The following SNTB2 variants were observed in gnomAD, a reference collection of about 807,000 sequenced individuals.
SNTB2 encodes syntrophin beta 2.
A neutral mutation model predicts 46.2 loss-of-function variants in SNTB2; 34 were observed. The observed-to-expected ratio is 0.74, with a 90% confidence interval of 0.56 to 0.98. The LOEUF (loss-of-function observed/expected upper bound fraction) is 0.98, where lower values mean the gene tolerates loss of function less well. Ranked by LOEUF, SNTB2 falls within the 50% of genes least tolerant of loss-of-function variation. SNTB2 has a pLI of 0.00. For missense variants in SNTB2, 603 were observed against 731.4 expected (o/e 0.82, Z 2.02); for synonymous variants, 290 against 312.6 (o/e 0.93, Z 0.76).
rs182191160 is a variant in SNTB2 at position 69,193,680 on chromosome 16, A to G, written c.580+5934A>G. 2.1e-3 allele frequency among the ~76,000 whole-genome samples: 317 copies of G among 152,310 alleles called. 2 individuals carry two copies. The highest frequency in any genetic ancestry group is 3.5e-3 in the Admixed American group (54 of 15,288). ...GATCAACTAACAAAAATTTTAAAAA[A>G]GAAAGAAAATGCACATGCCTTATTC... On this transcript the variant is annotated intron_variant, in intron 1 of 6. Coordinates refer to ENST00000336278, the MANE Select transcript of SNTB2 (RefSeq NM_006750.4).
chr16:69,200,448 G>C (rs140802319), intron 1 of SNTB2, among the ~76,000 whole-genome samples: 48 of 152,114 alleles, frequency 3.2e-4, no homozygotes, highest in African/African-American at 1.0e-3. Context: ...GAATGCTTTT[G>C]GAATATGCTT....
At chr16:69,202,322 A>G (rs1964170728) in intron 1 of SNTB2, among the ~76,000 whole-genome samples, 1 of 150,796 alleles carries the variant, frequency 6.6e-6, no homozygotes, top group East Asian at 1.9e-4. Context: ...ACAAACATAC[A>G]TTCTTAGTTT....
Position 69,280,917 on chromosome 16 carries a change from C to T in SNTB2, c.1149-3131C>T, listed in dbSNP as rs146376361. Among the ~76,000 whole-genome samples, 101 of 152,080 alleles carry T rather than the reference C, an allele frequency of 6.6e-4. 1 individual carries two copies. The highest frequency in any genetic ancestry group is 2.4e-3 in the African/African-American group (99 of 41,482). On this transcript the variant is annotated intron_variant, in intron 4 of 6. Coordinates refer to ENST00000336278, the MANE Select transcript of SNTB2 (RefSeq NM_006750.4). Reference sequence around the variant, plus strand: ...GGTTCACGCCATTCTCCTCCCTCAGCTTCGCGAGTAGCTGGGACTACAGGG... The same window carrying T: ...GGTTCACGCCATTCTCCTCCCTCAGTTTCGCGAGTAGCTGGGACTACAGGG...
chr16:69,216,448 C>A (rs1964347808), intron 1 of SNTB2, among the ~76,000 whole-genome samples: 1 of 151,644 alleles, frequency 6.6e-6, no homozygotes, highest in African/African-American at 2.4e-5. Flanking sequence ...TTTGGGAGGC[C>A]ACGGTGGGAG....
chr16:69,259,810 G>A (rs907980565), intron 2 of SNTB2, among the ~76,000 whole-genome samples: 3 of 149,786 alleles, frequency 2.0e-5, no homozygotes, highest in South Asian at 2.1e-4. Context: ...GAGTTTCACC[G>A]TGTTGCCCAG....
rs72795266 is a variant in SNTB2, at chr16:69,303,540, G to A, written c.*2616G>A. The stretch of plus-strand genomic sequence containing the variant: ...GTTAAACTGACATGTATAGCACTGA[G>A]GTCTGTAGGGTTCTTAATATCTTTT... On this transcript the variant is annotated 3_prime_UTR_variant, in exon 7 of 7. Transcript: ENST00000336278. The A allele has an allele frequency of 0.056, 8,554 of 152,722 alleles. 271 individuals carry two copies. The highest frequency in any genetic ancestry group is 0.075 in the South Asian group (361 of 4,824). 9.5% of individuals were successfully genotyped at this position (152,722 alleles called of 1,614,324 possible).
chr16:69,292,355 TATATATATATATATATATATA>T (rs1965167766), intron 5 of SNTB2, among the ~76,000 whole-genome samples: 1 of 27,192 alleles, frequency 3.7e-5, no homozygotes, highest in Non-Finnish European at 6.1e-5. Flanking sequence ...CCTTATTTTT[TATATATATATATATATATATA>T]TATTATATAT....
Position 69,282,109 on chromosome 16 carries a change from G to T in SNTB2, c.1149-1939G>T, listed in dbSNP as rs1012435092. The stretch of plus-strand genomic sequence containing the variant: ...TAGTAGAGACGGGGTTTTACCATGT[G>T]GGCTAGGCTGGACTTAAACTCCTGA... On this transcript the variant is annotated intron_variant, in intron 4 of 6. Coordinates refer to ENST00000336278, the MANE Select transcript of SNTB2 (RefSeq NM_006750.4). Among the ~76,000 whole-genome samples the T allele has an allele frequency of 3.3e-5, 5 of 149,254 alleles. No homozygotes were observed. In the East Asian group the frequency reaches 1.1e-3, roughly 32 times the overall value.
At chr16:69,265,743 T>C (rs1567410441) in intron 3 of SNTB2, among the ~76,000 whole-genome samples, 2 of 150,900 alleles carry the variant, frequency 1.3e-5, no homozygotes, top group African/African-American at 2.4e-5. Flanking sequence ...AGGAGAATTG[T>C]TTGAACCTGG....
At chr16:69,278,155 C>T (rs1597197248) in intron 4 of SNTB2, among the ~76,000 whole-genome samples, 1 of 151,990 alleles carries the variant, frequency 6.6e-6, no homozygotes. Context: ...CATCTCTACA[C>T]AAAATATAAA....
chr16:69,298,936 C>T (rs945802019), intron 5 of SNTB2, among the ~76,000 whole-genome samples: 10 of 152,170 alleles, frequency 6.6e-5, no homozygotes, highest in Non-Finnish European at 1.2e-4. Context: ...TTCTGCCTTA[C>T]ACAATTGGGG....
At chr16:69,236,634 T>C (rs1416367113) in intron 1 of SNTB2, among the ~76,000 whole-genome samples, 1 of 151,826 alleles carries the variant, frequency 6.6e-6, no homozygotes, top group Non-Finnish European at 1.5e-5. Flanking sequence ...AAAAATATGG[T>C]TAAAATAGTA....
At chr16:69,245,986 T>C (rs1358359634) in intron 2 of SNTB2, among the ~76,000 whole-genome samples, 171 bp downstream of exon 2, 1 of 152,172 alleles carries the variant, frequency 6.6e-6, no homozygotes, top group Non-Finnish European at 1.5e-5. Context: ...TATACATGTA[T>C]ATGTGTAGAA....
chr16:69,291,120 A>G (rs1965155484), intron 5 of SNTB2, among the ~76,000 whole-genome samples: 1 of 152,208 alleles, frequency 6.6e-6, no homozygotes, highest in Non-Finnish European at 1.5e-5. Context: ...CCTGTTGCCT[A>G]TACCTGATGG....
chr16:69,251,039 C>T (rs1403260066), intron 2 of SNTB2, among the ~76,000 whole-genome samples: 5 of 141,504 alleles, frequency 3.5e-5, no homozygotes, highest in African/African-American at 7.8e-5. Flanking sequence ...AGTGCAGTGG[C>T]GGGATCTCGG....
intron 2 of SNTB2, among the ~76,000 whole-genome samples, chr16:69,255,869 C>T (rs1455336110): frequency 7.0e-6 from 1 of 143,776 alleles, no homozygotes; most frequent in African/African-American, 2.6e-5. Context: ...AAGAGGTAAA[C>T]TCTGTCTCAA....
intron 4 of SNTB2, among the ~76,000 whole-genome samples, chr16:69,273,331 G>T (rs1321753152): frequency 6.6e-6 from 1 of 152,156 alleles, no homozygotes; most frequent in African/African-American, 2.4e-5. Flanking sequence ...AACAACCTAA[G>T]TGTCCATCAA....
Position 69,258,682 on chromosome 16 carries a change from G to A in SNTB2, c.795-1368G>A, listed in dbSNP as rs577986842. ...GCTGGAGTGCAGTGGTGCAATCTTG[G>A]CTCACTGCAACCTCCAGCTCCTGGG... On this transcript the variant is annotated intron_variant, in intron 2 of 6. Coordinates refer to ENST00000336278, the MANE Select transcript of SNTB2 (RefSeq NM_006750.4). 9.5e-5 allele frequency among the ~76,000 whole-genome samples: 14 copies of A among 146,748 alleles called. No individual in the cohort carries two copies. In the South Asian group the frequency reaches 3.0e-3, roughly 31 times the overall value.
At chr16:69,292,627 A>G (rs575529524) in intron 5 of SNTB2, among the ~76,000 whole-genome samples, 1 of 111,214 alleles carries the variant, frequency 9.0e-6, no homozygotes, top group African/African-American at 3.4e-5. Context: ...TTTTTTTTGC[A>G]TTTTTAGTAG....
Sources: gnomAD v4.1 joint callset for allele counts (sites outside exome capture counted in the v4.1 genomes callset) on GRCh38, gnomAD v4.1.1 for gene constraint, MANE v1.5 for transcripts, NCBI Gene and HGNC (gene_info 2026-07-23, HGNC 2026-07-21) for gene names.